The following APAF1 variants were observed in gnomAD, a reference collection of about 807,000 sequenced individuals.
APAF1 encodes apoptotic protease-activating factor 1.
A neutral mutation model predicts 152.4 loss-of-function variants in APAF1; 91 were observed. That is an observed-to-expected ratio of 0.60 (90% CI 0.50 to 0.71). The LOEUF is 0.71. Among genes scored for constraint, APAF1 ranks in the 30% least tolerant of loss-of-function variants. The pLI, the probability that APAF1 is intolerant of heterozygous loss-of-function variation, is 0.00. For synonymous variants in APAF1, 484 were observed against 494.1 expected, an observed-to-expected ratio of 0.98 and a Z score of 0.27; for missense variants, 1,283 against 1,472.0, an observed-to-expected ratio of 0.87 and a Z score of 2.10.
At chr12:98,646,972 A>G (rs1317295201) in intron 1 of APAF1, among the ~76,000 whole-genome samples, 1 of 152,210 alleles carries the variant, frequency 6.6e-6, no homozygotes, top group Admixed American at 6.5e-5. Flanking sequence ...AATACTCAAT[A>G]GTAACAATGC....
rs753741775 is a variant in APAF1, at chr12:98,725,476, G to A, written c.3392G>A (p.Arg1131His). ...HELRGHNGCV[R>H]CSAFSVDSTL... The stretch of plus-strand genomic sequence containing the variant: ...TTGAGGGGCCACAACGGCTGTGTGC[G>A]CTGCTCTGCCTTCTCTGTGGACAGT... Residue 1131 changes from arginine to histidine, a missense_variant, in exon 25 of 27, where the codon CGC (arginine) becomes CAC (histidine). Transcript: ENST00000551964. 6.8e-6 allele frequency: 11 copies of A among 1,614,114 alleles called. No individual in the cohort carries two copies. Among genetic ancestry groups the A allele is most frequent in the South Asian group, 1.1e-5 (1 of 91,066 alleles).
At chr12:98,654,821 T>TC (rs1275502037) in intron 4 of APAF1, among the ~76,000 whole-genome samples, 1 of 149,600 alleles carries the variant, frequency 6.7e-6, no homozygotes, top group Non-Finnish European at 1.5e-5. Flanking sequence ...ATTTTCTTTT[T>TC]TTTTTTTTTT....
chr12:98,680,051 T>C (rs1392951861), intron 13 of APAF1, among the ~76,000 whole-genome samples: 1 of 152,268 alleles, frequency 6.6e-6, no homozygotes, highest in East Asian at 1.9e-4. Flanking sequence ...CCAAAGATCC[T>C]GTAACATTTT....
chr12:98,694,614 T>G (rs1005897226), intron 16 of APAF1, among the ~76,000 whole-genome samples: 42 of 152,188 alleles, frequency 2.8e-4, no homozygotes, highest in African/African-American at 8.7e-4. Flanking sequence ...TATTCTGTTC[T>G]TGTTTCATGG....
chr12:98,704,024 G>A (rs534440393), intron 18 of APAF1, among the ~76,000 whole-genome samples: 1 of 152,094 alleles, frequency 6.6e-6, no homozygotes, highest in Non-Finnish European at 1.5e-5. Flanking sequence ...TGTTCAGAAT[G>A]TATACCTAGC....
In APAF1 at chr12:98,665,602, C is replaced by G; in HGVS notation, c.1005C>G (p.Pro335=). The part of the protein sequence containing the change: ...SLIGALLRDF[P]NRWEYYLKQL... ...TTGGTGCACTTTTACGTGATTTTCC[C>G]AATCGCTGGGAGTACTACCTCAAAC... is the stretch of plus-strand genomic sequence containing the variant. The change falls in exon 8 of 27, where the codon CCC becomes CCG. Residue 335 remains proline, a synonymous_variant. Coordinates refer to ENST00000551964, the MANE Select transcript of APAF1 (RefSeq NM_181861.2). 1 of 1,613,654 alleles carries G rather than the reference C, an allele frequency of 6.2e-7. No homozygotes were observed. Among genetic ancestry groups the G allele is most frequent in the African/African-American group, 1.3e-5 (1 of 74,890 alleles).
intron 13 of APAF1, among the ~76,000 whole-genome samples, chr12:98,680,065 T>C (rs1444201886): frequency 6.6e-6 from 1 of 152,260 alleles, no homozygotes; most frequent in African/African-American, 2.4e-5. Flanking sequence ...ACATTTTCAT[T>C]GATATTTACA....
Position 98,706,430 on chromosome 12 carries a change from C to T in APAF1, c.2596-55C>T, listed in dbSNP as rs534098411. On this transcript the variant is annotated intron_variant, in intron 18 of 26. Transcript: ENST00000551964. ...ATTCTTGCTATTTTCAATATTTTTG[C>T]TCTCTTCAAAATGCTTATGTATGTG... is the stretch of plus-strand genomic sequence containing the variant. 1.6e-5 allele frequency: 25 copies of T among 1,590,942 alleles called. No homozygotes were observed. The African/African-American group carries it at 2.4e-4, about 15-fold the overall frequency.
chr12:98,656,554 G>A (rs2097657948), intron 4 of APAF1, among the ~76,000 whole-genome samples: 1 of 152,198 alleles, frequency 6.6e-6, no homozygotes, highest in Admixed American at 6.5e-5. Flanking sequence ...CTTTCATGCA[G>A]TCACTATTCA....
chr12:98,689,361 T>C (rs530377171), intron 16 of APAF1, among the ~76,000 whole-genome samples: 75 of 152,210 alleles, frequency 4.9e-4, no homozygotes, highest in Admixed American at 1.0e-3. Context: ...CTTAGGATGT[T>C]TTTTGCCTTC....
chr12:98,719,106 C>T (rs965454284), intron 22 of APAF1, among the ~76,000 whole-genome samples: 5 of 152,192 alleles, frequency 3.3e-5, no homozygotes, highest in African/African-American at 1.2e-4. Context: ...TGAGAGCTCA[C>T]AAGGCTCACA....
chr12:98,663,699 T>C (rs2097668434), intron 7 of APAF1, among the ~76,000 whole-genome samples: 1 of 151,798 alleles, frequency 6.6e-6, no homozygotes, highest in Admixed American at 6.6e-5. Context: ...CACTCTGTCG[T>C]CCAGGCTGGA....
rs778908657 is a variant in APAF1, at chr12:98,648,457, G to A, written c.98G>A (p.Gly33Glu). 1 of 1,613,938 alleles carries A rather than the reference G, an allele frequency of 6.2e-7. No individual in the cohort carries two copies. Among genetic ancestry groups the A allele is most frequent in the Non-Finnish European group, 8.5e-7 (1 of 1,179,932 alleles). Residue 33 changes from glycine to glutamate, a missense_variant, in exon 2 of 27, where the codon GGA becomes GAA. Physicochemically the swap from Gly to Glu is moderately conservative, Grantham distance 98 (BLOSUM62 -2). Transcript: ENST00000551964. ...ATCATGGATCACATGATTAGTGATG[G>A]ATTTTTAACAATATCAGAAGAGGAA... ...SYIMDHMISDGFLTISEEEKV... is the reference protein window; with the variant it reads ...SYIMDHMISDEFLTISEEEKV...
intron 26 of APAF1, among the ~76,000 whole-genome samples, chr12:98,729,746 T>C (rs1014099283): frequency 1.3e-5 from 2 of 152,220 alleles, no homozygotes; most frequent in African/African-American, 4.8e-5. Flanking sequence ...TTTGGAAATA[T>C]TTGAATGACT....
rs1432957868 is a variant in APAF1, at chr12:98,723,261, A to G, written c.3153A>G (p.Arg1051=). ...RGHQETVKDF[R]LLKNSRLLSW... is the part of the protein sequence containing the mutation. ...ATCAGGAAACAGTGAAAGACTTTAG[A>G]CTCTTGAAAAATTCAAGACTGCTTT... The change falls in exon 23 of 27, where the codon AGA becomes AGG. Residue 1051 remains arginine, a synonymous_variant. Transcript: ENST00000551964. 1 of 1,613,572 alleles carries G rather than the reference A, an allele frequency of 6.2e-7. No homozygotes were observed. The highest frequency in any genetic ancestry group is 1.1e-5 in the South Asian group (1 of 91,074).
intron 4 of APAF1, among the ~76,000 whole-genome samples, chr12:98,650,692 G>T (rs1208533538): frequency 1.3e-5 from 2 of 152,058 alleles, no homozygotes; most frequent in African/African-American, 2.4e-5. Context: ...CTTGTCAGAA[G>T]TATGCCTGAT....
At position 98,681,421 on chromosome 12, in the gene APAF1, G is replaced by A. The variant is rs147047265; in HGVS notation, c.2046+1019G>A. Among the ~76,000 whole-genome samples, 473 of 152,234 alleles carry A rather than the reference G, an allele frequency of 3.1e-3. 4 individuals carry two copies. The highest frequency in any genetic ancestry group is 0.011 in the African/African-American group (454 of 41,530). On this transcript the variant is annotated intron_variant, in intron 14 of 26. Transcript: ENST00000551964. The stretch of plus-strand genomic sequence containing the variant: ...TGTTCCTAAATTTGGCTTCTACCAG[G>A]AGCATTTATACTAATATAGAATTCA...
At chr12:98,731,346 G>T (rs974097063) in intron 26 of APAF1, among the ~76,000 whole-genome samples, 4 of 152,090 alleles carry the variant, frequency 2.6e-5, no homozygotes, top group African/African-American at 9.7e-5. Flanking sequence ...CGTAATTAGG[G>T]TTTGTTCTTG....
intron 4 of APAF1, among the ~76,000 whole-genome samples, chr12:98,653,209 A>AC (rs1367477659): frequency 6.6e-6 from 1 of 152,206 alleles, no homozygotes; most frequent in Non-Finnish European, 1.5e-5. Flanking sequence ...ATTCTCAAAT[A>AC]CAGGAACATT....
Sources: gnomAD v4.1 joint callset for allele counts (sites outside exome capture counted in the v4.1 genomes callset) on GRCh38, gnomAD v4.1.1 for gene constraint, MANE v1.5 for transcripts, NCBI Gene and HGNC (gene_info 2026-07-23, HGNC 2026-07-21) for gene names.